The following PCDH7 variants were observed in gnomAD, a reference collection of about 807,000 sequenced individuals.
The protein encoded by PCDH7 is protocadherin 7, also known as protocadherin-7.
PCDH7 carries 17 observed loss-of-function variants against 58.9 expected under a neutral mutation model. The ratio of observed to expected loss-of-function variants is 0.29; its 90% confidence interval spans 0.20 to 0.43. The LOEUF (loss-of-function observed/expected upper bound fraction) is 0.43. Among genes scored for constraint, PCDH7 ranks in the 20% least tolerant of loss-of-function variants. The pLI is 1.00. For synonymous variants in PCDH7, 664 were observed against 616.4 expected (o/e 1.08, Z -1.14); for missense variants, 1,274 against 1,441.0 (o/e 0.88, Z 1.88).
intron 1 of PCDH7, among the ~76,000 whole-genome samples, chr4:30,899,455 T>A (rs1315074377): frequency 6.6e-6 from 1 of 152,196 alleles, no homozygotes; most frequent in African/African-American, 2.4e-5. Context: ...TGCTACTACC[T>A]GTAGCTCCCT....
At chr4:30,746,070 C>T (rs1006205059) in intron 1 of PCDH7, among the ~76,000 whole-genome samples, 6 of 152,072 alleles carry the variant, frequency 3.9e-5, no homozygotes, top group South Asian at 2.1e-4. Context: ...CTCAAGTGAT[C>T]CGCCTGCCTC....
At chr4:30,806,406 G>A (rs1726213204) in intron 1 of PCDH7, among the ~76,000 whole-genome samples, 1 of 151,926 alleles carries the variant, frequency 6.6e-6, no homozygotes, top group Admixed American at 6.6e-5. Context: ...CTGGGTTCAA[G>A]CAGTTCTCCT....
At position 30,879,759 on chromosome 4, in the gene PCDH7, A is replaced by G. The variant is rs375175534; in HGVS notation, c.71-40394A>G. ...TGACATCATACTGAAGCTGGTTTTG[A>G]TTAGATAAATAGAAAATGGAAATTC... On this transcript the variant is annotated intron_variant, in intron 1 of 3. Transcript: ENST00000509759. Among the ~76,000 whole-genome samples, 32 of 152,250 alleles carry G rather than the reference A, an allele frequency of 2.1e-4. No individual in the cohort carries two copies. In the South Asian group the frequency reaches 6.2e-3, roughly 30 times the overall value.
chr4:31,137,410 T>A (rs1361998619), intron 3 of PCDH7, among the ~76,000 whole-genome samples: 1 of 151,870 alleles, frequency 6.6e-6, no homozygotes, highest in Admixed American at 6.6e-5. Flanking sequence ...TGGCCAAACC[T>A]CATCTCTACT....
chr4:31,087,949 T>C (rs1045236818), intron 3 of PCDH7, among the ~76,000 whole-genome samples: 33 of 152,048 alleles, frequency 2.2e-4, no homozygotes, highest in African/African-American at 7.7e-4. Context: ...TATTAACTCA[T>C]TTAATTCTTA....
At chr4:30,903,237 TA>T (rs1257379435) in intron 1 of PCDH7, among the ~76,000 whole-genome samples, 3 of 152,128 alleles carry the variant, frequency 2.0e-5, no homozygotes, top group African/African-American at 2.4e-5. Flanking sequence ...ATCCTCTTAA[TA>T]TTTTTTTAAC....
intron 3 of PCDH7, among the ~76,000 whole-genome samples, chr4:30,978,527 G>T (rs1440294012): frequency 6.6e-6 from 1 of 151,896 alleles, no homozygotes; most frequent in Admixed American, 6.6e-5. Flanking sequence ...GTTTAGATTT[G>T]GTTCAAACGT....
At chr4:31,081,682 G>A (rs1759520526) in intron 3 of PCDH7, among the ~76,000 whole-genome samples, 1 of 151,876 alleles carries the variant, frequency 6.6e-6, no homozygotes, top group African/African-American at 2.4e-5. Flanking sequence ...CCATTCCCCA[G>A]CTTATTTTTT....
intron 2 of PCDH7, among the ~76,000 whole-genome samples, chr4:30,920,812 A>C (rs1743098264): frequency 6.6e-6 from 1 of 152,206 alleles, no homozygotes; most frequent in Non-Finnish European, 1.5e-5. Flanking sequence ...CTAGATGTTT[A>C]GAAAAGCATT....
intron 3 of PCDH7, among the ~76,000 whole-genome samples, chr4:31,097,554 T>C (rs1470559314): frequency 7.5e-6 from 1 of 132,668 alleles, no homozygotes; most frequent in Non-Finnish European, 1.6e-5. Context: ...ATGCACTTAC[T>C]ATGTGAATGT....
intron 1 of PCDH7, among the ~76,000 whole-genome samples, chr4:30,853,135 T>C (rs1271872247): frequency 2.6e-5 from 4 of 152,016 alleles, no homozygotes; most frequent in Admixed American, 1.3e-4. Context: ...AAGTGAGAAA[T>C]GGGGAAGAAT....
At chr4:30,845,815 A>G (rs1731862563) in intron 1 of PCDH7, among the ~76,000 whole-genome samples, 1 of 151,326 alleles carries the variant, frequency 6.6e-6, no homozygotes, top group Non-Finnish European at 1.5e-5. Flanking sequence ...CTGGTCTTGA[A>G]CTCCTGACCT....
intron 3 of PCDH7, among the ~76,000 whole-genome samples, chr4:31,141,476 TTC>T (rs1217999819): frequency 1.3e-5 from 2 of 152,356 alleles, no homozygotes; most frequent in East Asian, 3.9e-4. Context: ...CTCTCTCCCA[TTC>T]TCTCTTTCTC....
chr4:31,009,687 T>C (rs1464214801), intron 3 of PCDH7, among the ~76,000 whole-genome samples: 1 of 151,956 alleles, frequency 6.6e-6, no homozygotes, highest in Non-Finnish European at 1.5e-5. Flanking sequence ...AGCAAGAATG[T>C]AGGGGATATT....
chr4:30,945,329 T>C (rs962066183), intron 2 of PCDH7, among the ~76,000 whole-genome samples: 4 of 152,092 alleles, frequency 2.6e-5, no homozygotes, highest in African/African-American at 9.7e-5. Flanking sequence ...AATTTTTAAA[T>C]ATTACTCACA....
chr4:30,888,859 T>C (rs1041409769), intron 1 of PCDH7, among the ~76,000 whole-genome samples: 1 of 151,206 alleles, frequency 6.6e-6, no homozygotes, highest in Non-Finnish European at 1.5e-5. Context: ...AAATTCTCCA[T>C]AGTAAAACAA....
intron 1 of PCDH7, among the ~76,000 whole-genome samples, chr4:30,750,573 A>G (rs1390985142): frequency 1.3e-5 from 2 of 152,106 alleles, no homozygotes; most frequent in Non-Finnish European, 2.9e-5. Context: ...CCTGGGTGCA[A>G]ATTTGGAGAG....
At chr4:31,102,458 C>T (rs1414305672) in intron 3 of PCDH7, among the ~76,000 whole-genome samples, 2 of 152,108 alleles carry the variant, frequency 1.3e-5, no homozygotes, top group Non-Finnish European at 1.5e-5. Context: ...CACGGTGCCT[C>T]ATGCCTGTAA....
intron 3 of PCDH7, among the ~76,000 whole-genome samples, chr4:31,075,767 A>G (rs985148544): frequency 1.3e-5 from 2 of 152,200 alleles, no homozygotes; most frequent in Admixed American, 1.3e-4. Flanking sequence ...AATGTGATTT[A>G]TCAATAACTT....
Sources: gnomAD v4.1 joint callset for allele counts (sites outside exome capture counted in the v4.1 genomes callset) on GRCh38, gnomAD v4.1.1 for gene constraint, MANE v1.5 for transcripts, NCBI Gene and HGNC (gene_info 2026-07-23, HGNC 2026-07-21) for gene names.